Variants in FAM222A observed in about 807,000 individuals in gnomAD.
The protein encoded by FAM222A is protein FAM222A.
FAM222A carries 7 observed loss-of-function variants against 25.8 expected under a neutral mutation model. The ratio of observed to expected loss-of-function variants is 0.27; its 90% CI spans 0.15 to 0.51. The LOEUF (loss-of-function observed/expected upper bound fraction) is 0.51. Ranked by LOEUF, FAM222A falls within the 20% of genes least tolerant of loss-of-function variation. The probability of loss-of-function intolerance (pLI) is 0.97; values close to 1 mark genes in which losing one functional copy is unlikely to be tolerated. For missense variants in FAM222A, 573 were observed against 640.5 expected (o/e 0.89, Z 1.14); for synonymous variants, 294 against 298.8 (o/e 0.98, Z 0.17).
chr12:109,754,082 C>T (rs1888642177), intron 2 of FAM222A, among the ~76,000 whole-genome samples: 1 of 152,178 alleles, frequency 6.6e-6, no homozygotes, highest in Non-Finnish European at 1.5e-5. Flanking sequence ...GGAAGGAAGT[C>T]AGCCTCTTTC....
Position 109,720,083 on chromosome 12 carries a change from G to T in FAM222A, c.-47+5186G>T, listed in dbSNP as rs945275449. 7.1e-6 allele frequency: 7 copies of T among 985,286 alleles called. No homozygotes were observed. The African/African-American group carries it at 1.0e-4, about 15-fold the overall frequency. The allele number at this position is 985,286 out of a possible 1,614,324, so 61.0% of individuals were successfully genotyped here. ...TTGCATGTGCATAGTGCTTGCAGGG[G>T]GCTTAGCTGAGCCCCTCAGAGCTGG... On this transcript the variant is annotated intron_variant, in intron 1 of 2. Transcript: ENST00000538780.
rs825001 is a variant in FAM222A, at chr12:109,713,839, G to C, written c.-1105G>C. Among the ~76,000 whole-genome samples the C allele has an allele frequency of 0.079, 11,905 of 150,624 alleles. 490 individuals are homozygous for C. The highest frequency in any genetic ancestry group is 0.091 in the South Asian group (440 of 4,814). Reference sequence around the variant, plus strand: ...TCGCGCCTGTCAGTCGGGCCAGAGCGGAGCAGCGGGCAGGACTGCCTGGCC... The same window carrying C: ...TCGCGCCTGTCAGTCGGGCCAGAGCCGAGCAGCGGGCAGGACTGCCTGGCC... On this transcript the variant is annotated 5_prime_UTR_variant, in exon 1 of 3. Coordinates refer to ENST00000538780, the MANE Select transcript of FAM222A (RefSeq NM_032829.3).
intron 2 of FAM222A, among the ~76,000 whole-genome samples, chr12:109,765,062 C>T (rs926814459): frequency 1.3e-5 from 2 of 152,232 alleles, no homozygotes; most frequent in African/African-American, 4.8e-5. Flanking sequence ...GGTCAGACCA[C>T]ACCCTTCACC....
chr12:109,746,520 T>C (rs955406411), intron 2 of FAM222A, among the ~76,000 whole-genome samples: 3 of 152,060 alleles, frequency 2.0e-5, no homozygotes, highest in African/African-American at 7.2e-5. Context: ...ATGCTCTCTA[T>C]ATGACTTATA....
At chr12:109,741,979 TTCTCCGGATC>T (rs1224797696) in intron 1 of FAM222A, 2 of 152,298 alleles carry the variant, frequency 1.3e-5, no homozygotes, top group Non-Finnish European at 2.9e-5. Flanking sequence ...TGGACTGGCT[TTCTCCGGATC>T]TCCCTCCTTT....
chr12:109,731,126 G>T (rs1887939083), intron 1 of FAM222A, among the ~76,000 whole-genome samples: 1 of 152,144 alleles, frequency 6.6e-6, no homozygotes, highest in Non-Finnish European at 1.5e-5. Context: ...CTGAGTTCTG[G>T]GTTTTTGCCT....
intron 1 of FAM222A, among the ~76,000 whole-genome samples, chr12:109,733,954 T>C (rs866076590): frequency 1.3e-5 from 2 of 152,124 alleles, no homozygotes; most frequent in Admixed American, 6.5e-5. Flanking sequence ...GGCTCATACC[T>C]ATAATTCCAG....
Position 109,769,301 on chromosome 12 carries a change from G to A in FAM222A, c.*13G>A, listed in dbSNP as rs750523692. ...CGTCTACAGATAAGGCCTGCCCTGC[G>A]GACATACGGACATGCGGACAGGGCG... On this transcript the variant is annotated 3_prime_UTR_variant, in exon 3 of 3. Coordinates refer to ENST00000538780, the MANE Select transcript of FAM222A (RefSeq NM_032829.3). The A allele has an allele frequency of 4.3e-5, 68 of 1,594,168 alleles. No individual in the cohort carries two copies. The highest frequency in any genetic ancestry group is 5.5e-5 in the Non-Finnish European group (64 of 1,170,812).
chr12:109,769,005 A>G lies in FAM222A; in HGVS notation c.1076A>G (p.Asp359Gly). ...AGTGTGCTGGTGACACCCACCAGCG[A>G]CTGCTACAACCCAGCGGCGGCGGTG... ...WNSVLVTPTS[D>G]CYNPAAAVVV... The change falls in exon 3 of 3, where the codon GAC (aspartate) becomes GGC (glycine). Residue 359 changes from aspartate (D) to glycine (G), a missense_variant. Physicochemically the swap from Asp to Gly is moderately conservative, Grantham distance 94. Coordinates refer to ENST00000538780, the MANE Select transcript of FAM222A (RefSeq NM_032829.3). 6.3e-7 allele frequency: 1 copy of G among 1,578,788 alleles called. No individual in the cohort carries two copies. Among genetic ancestry groups the G allele is most frequent in the South Asian group, 1.1e-5 (1 of 87,422 alleles).
chr12:109,744,439 C>G (rs1038710751), intron 2 of FAM222A: 1 of 985,456 alleles, frequency 1.0e-6, no homozygotes, highest in South Asian at 4.7e-5. Flanking sequence ...GCAAGACTCT[C>G]AACTCTGGCT....
At chr12:109,755,225 A>G (rs1311800921) in intron 2 of FAM222A, among the ~76,000 whole-genome samples, 1 of 148,032 alleles carries the variant, frequency 6.8e-6, no homozygotes, top group Non-Finnish European at 1.5e-5. Flanking sequence ...TCATGAAGAT[A>G]TACACTCCTG....
chr12:109,755,878 G>T (rs1035362278), intron 2 of FAM222A, among the ~76,000 whole-genome samples: 1 of 152,180 alleles, frequency 6.6e-6, no homozygotes, highest in Non-Finnish European at 1.5e-5. Flanking sequence ...CTGCAGCTTT[G>T]TATTAAGTTT....
intron 1 of FAM222A, among the ~76,000 whole-genome samples, chr12:109,731,040 A>G (rs1401686741): frequency 6.6e-6 from 1 of 152,040 alleles, no homozygotes; most frequent in Non-Finnish European, 1.5e-5. Context: ...TTTCATATGG[A>G]GAAACTGAGT....
chr12:109,764,910 G>A (rs865964346), intron 2 of FAM222A, among the ~76,000 whole-genome samples: 1 of 152,168 alleles, frequency 6.6e-6, no homozygotes, highest in Non-Finnish European at 1.5e-5. Context: ...TCTCCACACC[G>A]AGTTTATTTT....
intron 2 of FAM222A, 59 bp from the exon 3 acceptor site, chr12:109,767,953 T>TC: frequency 6.5e-7 from 1 of 1,543,506 alleles, no homozygotes; most frequent in Non-Finnish European, 8.8e-7. Context: ...TCGTGAGCCC[T>TC]GTGGGGAGAG....
Position 109,769,398 on chromosome 12 carries a change from T to C in FAM222A, c.*110T>C, listed in dbSNP as rs1889177739. On this transcript the variant is annotated 3_prime_UTR_variant, in exon 3 of 3. Transcript: ENST00000538780. ...GCGCTCAGCCCCACCCTGTGCCTGC[T>C]GATGCCCACAGGGGAGCCAGGCTGG... 5.3e-6 allele frequency: 7 copies of C among 1,331,660 alleles called. No homozygotes were observed. Among genetic ancestry groups the C allele is most frequent in the Non-Finnish European group, 7.0e-6 (7 of 996,498 alleles). The allele number at this position is 1,331,660 out of a possible 1,614,324, so 82.5% of individuals were successfully genotyped here. A position where few individuals can be genotyped will look rare whatever the true frequency, so the allele number is the denominator to read the frequency against.
chr12:109,744,697 C>T (rs1161846239), intron 2 of FAM222A: 5 of 985,310 alleles, frequency 5.1e-6, no homozygotes, highest in African/African-American at 1.7e-5. Flanking sequence ...GACCAGGGGT[C>T]TGTTCTCACT....
chr12:109,739,105 G>A (rs1346913347), intron 1 of FAM222A, among the ~76,000 whole-genome samples: 3 of 152,244 alleles, frequency 2.0e-5, no homozygotes, highest in Non-Finnish European at 4.4e-5. Context: ...CTAGGGATTG[G>A]AGGTAGAGGA....
In FAM222A at chr12:109,768,051, C is replaced by T. The variant is rs1376414726; in HGVS notation, c.122C>T (p.Pro41Leu). The T allele has an allele frequency of 4.3e-6, 7 of 1,613,702 alleles. No individual in the cohort carries two copies. Among genetic ancestry groups the T allele is most frequent in the Admixed American group, 1.7e-5 (1 of 60,008 alleles). ...VASAMHSSRYPSPAELDAYAE... is the reference protein window; with the variant it reads ...VASAMHSSRYLSPAELDAYAE... ...AGCGCCATGCATTCCTCCCGCTACC[C>T]GAGCCCAGCAGAACTGGACGCCTAT... Residue 41 changes from proline (P) to leucine (L), a missense_variant, in exon 3 of 3, where the codon CCG becomes CTG. Pro to Leu is a moderately conservative substitution (Grantham distance 98). This residue lies in a region of FAM222A where 112 missense variants were observed against 154.6 expected (regional missense o/e 0.72). Coordinates refer to ENST00000538780, the MANE Select transcript of FAM222A (RefSeq NM_032829.3).
Sources: gnomAD v4.1 joint callset for allele counts (sites outside exome capture counted in the v4.1 genomes callset) on GRCh38, gnomAD v4.1.1 for gene constraint, gnomAD v4.1.1 regional missense constraint, MANE v1.5 for transcripts, NCBI Gene and HGNC (gene_info 2026-07-23, HGNC 2026-07-21) for gene names.